FGD5: variants seen among roughly 807,000 people sequenced by gnomAD.
FGD5 encodes the protein FYVE, RhoGEF and PH domain containing 5.
A neutral mutation model predicts 133.4 loss-of-function variants in FGD5; 28 were observed. The observed-to-expected ratio is 0.21, with a 90% CI of 0.16 to 0.29. The LOEUF (loss-of-function observed/expected upper bound fraction) is 0.29. Ranked by LOEUF, FGD5 falls within the 10% of genes least tolerant of loss-of-function variation. FGD5 has a pLI of 1.00. For synonymous variants in FGD5, 810 were observed against 776.5 expected (o/e 1.04, Z -0.72); for missense variants, 1,858 against 1,895.2 (o/e 0.98, Z 0.36).
At chr3:14,810,811 G>A (rs551603080), upstream of FGD5, 7 of 984,608 alleles carry the variant, frequency 7.1e-6, no homozygotes, top group South Asian at 2.8e-4. Flanking sequence ...ACCCGCGGAC[G>A]GACTGAAACG....
intron 2 of FGD5, among the ~76,000 whole-genome samples, chr3:14,866,935 T>G (rs192857031): frequency 3.3e-5 from 5 of 151,650 alleles, no homozygotes; most frequent in Non-Finnish European, 7.4e-5. Flanking sequence ...AGGGAGGGGG[T>G]GGGTGAGTCT....
chr3:14,875,820 A>C (rs1235866645), intron 2 of FGD5, among the ~76,000 whole-genome samples: 1 of 151,968 alleles, frequency 6.6e-6, no homozygotes, highest in Non-Finnish European at 1.5e-5. Context: ...ACATCTGAGG[A>C]GGAGGGAGGT....
At chr3:14,923,209 G>A (rs1188209108) in intron 16 of FGD5, 34 bp downstream of exon 16, 1 of 1,593,886 alleles carries the variant, frequency 6.3e-7, no homozygotes, top group South Asian at 1.1e-5. Flanking sequence ...CTTCCAAGTG[G>A]CCTGGTGGCT....
chr3:14,901,547 GC>G (rs1189892528), intron 9 of FGD5, among the ~76,000 whole-genome samples: 2 of 152,198 alleles, frequency 1.3e-5, no homozygotes, highest in Non-Finnish European at 2.9e-5. Context: ...AGTTGATCCC[GC>G]ATCCCAGCTC....
chr3:14,893,667 T>C (rs368642276), intron 4 of FGD5, among the ~76,000 whole-genome samples: 2 of 151,856 alleles, frequency 1.3e-5, no homozygotes, highest in East Asian at 1.9e-4. Flanking sequence ...TATTTCAAAA[T>C]GTATAGTCCA....
intron 1 of FGD5, among the ~76,000 whole-genome samples, chr3:14,855,473 A>C (rs1266290540): frequency 3.3e-5 from 5 of 152,228 alleles, no homozygotes; most frequent in Non-Finnish European, 7.3e-5. Flanking sequence ...CATTCCCATC[A>C]GCAGTGTAGA....
At chr3:14,845,968 G>T (rs1273858436) in intron 1 of FGD5, among the ~76,000 whole-genome samples, 1 of 152,116 alleles carries the variant, frequency 6.6e-6, no homozygotes, top group Admixed American at 6.5e-5. Flanking sequence ...TCAGAGGCTG[G>T]GTTTGGGACT....
At chr3:14,829,101 G>T (rs1251264693) in intron 1 of FGD5, among the ~76,000 whole-genome samples, 2 of 152,078 alleles carry the variant, frequency 1.3e-5, no homozygotes, top group African/African-American at 4.8e-5. Context: ...GCCAAGGTGG[G>T]TCTTGATGGG....
intron 1 of FGD5, among the ~76,000 whole-genome samples, chr3:14,843,256 C>T (rs961625437): frequency 3.3e-5 from 5 of 152,134 alleles, no homozygotes; most frequent in Non-Finnish European, 7.3e-5. Flanking sequence ...ATATAGTGAA[C>T]GGAATTGCAC....
intron 16 of FGD5, 29 bp from the exon 17 acceptor site, chr3:14,923,979 C>T (rs1238277729): frequency 6.2e-7 from 1 of 1,613,604 alleles, no homozygotes; most frequent in East Asian, 2.2e-5. Context: ...CCTCTCACCT[C>T]CCTTCCATGT....
chr3:14,860,238 C>T (rs2037371390), intron 1 of FGD5, among the ~76,000 whole-genome samples: 1 of 152,194 alleles, frequency 6.6e-6, no homozygotes, highest in Admixed American at 6.5e-5. Flanking sequence ...TTGTCGTGGA[C>T]CGTGGCCCAA....
At chr3:14,865,268 T>A (rs1452163351) in intron 2 of FGD5, among the ~76,000 whole-genome samples, 2 of 152,190 alleles carry the variant, frequency 1.3e-5, no homozygotes, top group Non-Finnish European at 2.9e-5. Context: ...CTTCCAAGCC[T>A]AGGTTAGTTT....
rs377228942 is a variant in FGD5 at position 14,820,820 on chromosome 3, C to G, written c.1749C>G (p.Leu583=). The G allele has an allele frequency of 1.2e-6, 2 of 1,613,778 alleles. No individual in the cohort carries two copies. Among genetic ancestry groups the G allele is most frequent in the East Asian group, 2.2e-5 (1 of 44,868 alleles). The change falls in exon 1 of 20, where the codon CTC becomes CTG. Residue 583 remains leucine (L), a synonymous_variant. Transcript: ENST00000285046. ...GGATAAAGAGGAAAGAGGACAATCT[C>G]TCTCTGTCGTGTGTAATTGGCTCCT... ...DHRIKRKEDN[L]SLSCVIGSSG...
intron 18 of FGD5, among the ~76,000 whole-genome samples, chr3:14,927,112 C>T (rs955917483): frequency 4.6e-5 from 7 of 152,300 alleles, no homozygotes; most frequent in Non-Finnish European, 8.8e-5. Flanking sequence ...CATACTTAAA[C>T]ACTTAGCAAG....
chr3:14,814,881 C>T (rs764513240), upstream of FGD5, among the ~76,000 whole-genome samples: 8 of 152,150 alleles, frequency 5.3e-5, no homozygotes, highest in Admixed American at 1.3e-4. Context: ...ACCTTGGTGT[C>T]GTTCTTGACT....
chr3:14,822,328 A>G (rs1334137655), intron 1 of FGD5, among the ~76,000 whole-genome samples: 1 of 152,182 alleles, frequency 6.6e-6, no homozygotes, highest in African/African-American at 2.4e-5. Context: ...TATCTTTCAC[A>G]TCAGGAAAAT....
chr3:14,922,906 A>G lies in FGD5; in HGVS notation c.3808-140A>G. 1 of 1,201,792 alleles carries G rather than the reference A, an allele frequency of 8.3e-7. No individual in the cohort carries two copies. The highest frequency in any genetic ancestry group is 1.2e-6 in the Non-Finnish European group (1 of 843,932). 74.4% of individuals were successfully genotyped at this position (1,201,792 alleles called of 1,614,324 possible). On this transcript the variant is annotated intron_variant, in intron 15 of 19. Coordinates refer to ENST00000285046, the MANE Select transcript of FGD5 (RefSeq NM_152536.4). This position sits in a 1 kb window ranked among gnomAD's most constrained non-coding sequence, Gnocchi z 4.1. Reference sequence around the variant, plus strand: ...TGAAGCCTTGCCGGAAAAGTAGGGGACACGCACAGCTCCATGATCAGAACC... The same window carrying G: ...TGAAGCCTTGCCGGAAAAGTAGGGGGCACGCACAGCTCCATGATCAGAACC...
rs1553625423 is a variant in FGD5, at chr3:14,854,422, T to TTTATTTAC, written c.2526-9699_2526-9698insCTTATTTA. 6.2e-3 allele frequency among the ~76,000 whole-genome samples: 880 copies of TTTATTTAC among 142,440 alleles called. 14 individuals are homozygous for TTTATTTAC. The highest frequency in any genetic ancestry group is 0.022 in the African/African-American group (828 of 37,578). 93.4% of individuals were successfully genotyped at this position (142,440 alleles called of 152,430 possible). A position where few individuals can be genotyped will look rare whatever the true frequency, so the allele number is the denominator to read the frequency against. On this transcript the variant is annotated intron_variant, in intron 1 of 19. Transcript: ENST00000285046. Reference sequence around the variant, plus strand: ...ATTTATTTATTTATTTATTTATTTATTTATTTATTTATTGAGACGAGCTCA... The same window carrying TTTATTTAC: ...ATTTATTTATTTATTTATTTATTTATTTATTTACTTATTTATTTATTGAGACGAGCTCA...
At chr3:14,879,466 A>G (rs538839444) in intron 2 of FGD5, among the ~76,000 whole-genome samples, 1 of 152,302 alleles carries the variant, frequency 6.6e-6, no homozygotes, top group Non-Finnish European at 1.5e-5. Flanking sequence ...TTATAGACAT[A>G]ATCTCAGTCT....
Sources: gnomAD v4.1 joint callset for allele counts (sites outside exome capture counted in the v4.1 genomes callset) on GRCh38, gnomAD v4.1.1 for gene constraint, Gnocchi (gnomAD v3.1) non-coding constraint, MANE v1.5 for transcripts, NCBI Gene and HGNC (gene_info 2026-07-23, HGNC 2026-07-21) for gene names.